The following CCSER1 variants were observed in gnomAD, a reference collection of about 807,000 sequenced individuals.
CCSER1 encodes the protein serine-rich coiled-coil domain-containing protein 1.
Under a neutral mutation model 82.0 loss-of-function variants are expected in CCSER1, and 41 were observed. That is an observed-to-expected ratio of 0.50 (90% CI 0.39 to 0.65). The LOEUF (loss-of-function observed/expected upper bound fraction) is 0.65. Ranked by LOEUF, CCSER1 falls within the 30% of genes least tolerant of loss-of-function variation. The pLI is 0.00. For synonymous variants in CCSER1, 414 were observed against 383.9 expected (o/e 1.08, Z -0.92); for missense variants, 1,119 against 1,064.2 (o/e 1.05, Z -0.72).
chr4:90,844,856 A>G (rs564694493), intron 8 of CCSER1, among the ~76,000 whole-genome samples: 244 of 152,334 alleles, frequency 1.6e-3, no homozygotes, highest in Non-Finnish European at 2.6e-3. Flanking sequence ...GGGGTTAGCA[A>G]AGAGCCAGAC....
At chr4:90,419,825 T>G (rs1756413549) in intron 4 of CCSER1, among the ~76,000 whole-genome samples, 1 of 151,972 alleles carries the variant, frequency 6.6e-6, no homozygotes, top group Non-Finnish European at 1.5e-5. Flanking sequence ...TTTAATTTAT[T>G]GAATGAAAAT....
intron 6 of CCSER1, among the ~76,000 whole-genome samples, chr4:90,671,035 C>CT (rs1384511440): frequency 6.6e-6 from 1 of 151,994 alleles, no homozygotes; most frequent in Non-Finnish European, 1.5e-5. Flanking sequence ...AAAATTATGT[C>CT]TAAGAAACCA....
chr4:90,700,568 T>A (rs1248615693), intron 6 of CCSER1, among the ~76,000 whole-genome samples: 3 of 152,228 alleles, frequency 2.0e-5, no homozygotes, highest in Admixed American at 6.5e-5. Context: ...TGCCACACTG[T>A]CTTCCACAAT....
Position 90,271,839 on chromosome 4 carries a change from TATATATATATATATATATATA to T in CCSER1, c.-41-36404_-41-36384del, listed in dbSNP as rs1238942028. Among the ~76,000 whole-genome samples, 7 of 20,652 alleles carry T rather than the reference TATATATATATATATATATATA, an allele frequency of 3.4e-4. 1 individual carries two copies. The highest frequency in any genetic ancestry group is 2.9e-3 in the African/African-American group (6 of 2,072). The allele number at this position is 20,652 out of a possible 152,430, so 13.5% of individuals were successfully genotyped here. A position where few individuals can be genotyped will look rare whatever the true frequency, so the allele number is the denominator to read the frequency against. The stretch of plus-strand genomic sequence containing the variant: ...AGACTGGACAATTTATATATATATA[TATATATATATATATATATATA>T]TATTTTTTTTTTTTTTTTTTTTTTT... On this transcript the variant is annotated intron_variant, in intron 1 of 10. Coordinates refer to ENST00000509176, the MANE Select transcript of CCSER1 (RefSeq NM_001145065.2).
intron 10 of CCSER1, among the ~76,000 whole-genome samples, chr4:91,586,398 C>T (rs1283970191): frequency 2.0e-5 from 3 of 151,530 alleles, no homozygotes; most frequent in African/African-American, 7.3e-5. Context: ...GAATCTGGAC[C>T]ATGCCATCAA....
chr4:90,921,870 A>G (rs1443327718), intron 8 of CCSER1, among the ~76,000 whole-genome samples: 5 of 152,096 alleles, frequency 3.3e-5, no homozygotes, highest in African/African-American at 1.2e-4. Flanking sequence ...TAACCTTTCA[A>G]TGATGGACAA....
At chr4:91,526,427 C>T (rs1760766601) in intron 10 of CCSER1, among the ~76,000 whole-genome samples, 1 of 152,146 alleles carries the variant, frequency 6.6e-6, no homozygotes, top group Non-Finnish European at 1.5e-5. Flanking sequence ...ACAAACTGCA[C>T]CCTGACCACC....
chr4:90,203,252 G>T (rs989436468), intron 1 of CCSER1, among the ~76,000 whole-genome samples: 27 of 152,032 alleles, frequency 1.8e-4, no homozygotes, highest in Admixed American at 1.1e-3. Flanking sequence ...GAACGTGCAG[G>T]TTTGTTACAT....
intron 6 of CCSER1, among the ~76,000 whole-genome samples, chr4:90,671,748 A>G (rs1732842085): frequency 1.3e-5 from 2 of 152,086 alleles, no homozygotes; most frequent in Admixed American, 1.3e-4. Context: ...TATTTTGCCT[A>G]GATTCATCAG....
intron 10 of CCSER1, among the ~76,000 whole-genome samples, chr4:91,418,590 C>T (rs982971158): frequency 3.3e-4 from 50 of 151,770 alleles, no homozygotes; most frequent in African/African-American, 1.2e-3. Flanking sequence ...ATCAAAGAAA[C>T]ACCCAACAAT....
At chr4:91,227,972 A>C (rs1014075315) in intron 10 of CCSER1, among the ~76,000 whole-genome samples, 2 of 152,022 alleles carry the variant, frequency 1.3e-5, no homozygotes, top group Non-Finnish European at 2.9e-5. Flanking sequence ...TATTTTTTGC[A>C]TGTAAATATT....
At chr4:90,906,034 C>A (rs892533855) in intron 8 of CCSER1, among the ~76,000 whole-genome samples, 1 of 152,050 alleles carries the variant, frequency 6.6e-6, no homozygotes, top group East Asian at 1.9e-4. Context: ...TACAGATACT[C>A]ATTAAATATT....
At chr4:91,178,515 A>G (rs1446452376) in intron 10 of CCSER1, among the ~76,000 whole-genome samples, 1 of 152,198 alleles carries the variant, frequency 6.6e-6, no homozygotes, top group Non-Finnish European at 1.5e-5. Context: ...ATATATATTT[A>G]GGATAGTTAG....
At chr4:91,105,654 A>C (rs1219860624) in intron 10 of CCSER1, among the ~76,000 whole-genome samples, 1 of 152,172 alleles carries the variant, frequency 6.6e-6, no homozygotes, top group Admixed American at 6.5e-5. Flanking sequence ...CAGTGAGATG[A>C]GATCACACCA....
Position 90,308,376 on chromosome 4 carries a change from C to T in CCSER1, c.92C>T (p.Ser31Phe). The T allele has an allele frequency of 6.2e-7, 1 of 1,613,710 alleles. No homozygotes were observed. Among genetic ancestry groups the T allele is most frequent in the Non-Finnish European group, 8.5e-7 (1 of 1,179,820 alleles). ...SINRRHDSLP[S>F]SPSSSNTVGV... is the part of the protein sequence containing the mutation. ...AACAGAAGACATGATTCTCTTCCTT[C>T]TTCACCTTCTTCCAGTAATACAGTT... The change falls in exon 2 of 11, where the codon TCT becomes TTT. Residue 31 changes from serine (S) to phenylalanine (F), a missense_variant. By Grantham distance (155) the Ser-to-Phe change is radical. Coordinates refer to ENST00000509176, the MANE Select transcript of CCSER1 (RefSeq NM_001145065.2).
chr4:90,391,016 C>A (rs554393204), intron 3 of CCSER1, among the ~76,000 whole-genome samples: 7 of 150,240 alleles, frequency 4.7e-5, no homozygotes, highest in African/African-American at 1.7e-4. Flanking sequence ...GTAATCCCAG[C>A]ACTTTGAGAG....
chr4:91,537,869 T>A (rs1761378748), intron 10 of CCSER1, among the ~76,000 whole-genome samples: 1 of 151,868 alleles, frequency 6.6e-6, no homozygotes, highest in Admixed American at 6.6e-5. Flanking sequence ...AAAGGCAAAA[T>A]TTTGATGAAC....
At chr4:90,483,845 T>C (rs771002539) in intron 5 of CCSER1, among the ~76,000 whole-genome samples, 9 of 152,214 alleles carry the variant, frequency 5.9e-5, no homozygotes, top group African/African-American at 2.2e-4. Flanking sequence ...CTGACAATTA[T>C]GTATCTTGGA....
At chr4:91,371,581 T>C (rs1420320860) in intron 10 of CCSER1, among the ~76,000 whole-genome samples, 3 of 152,204 alleles carry the variant, frequency 2.0e-5, no homozygotes, top group Non-Finnish European at 2.9e-5. Flanking sequence ...CATCCGTTCA[T>C]GGACACTTAG....
Sources: gnomAD v4.1 joint callset for allele counts (sites outside exome capture counted in the v4.1 genomes callset) on GRCh38, gnomAD v4.1.1 for gene constraint, MANE v1.5 for transcripts, NCBI Gene and HGNC (gene_info 2026-07-23, HGNC 2026-07-21) for gene names.